Variants in ACSL1 observed in about 807,000 individuals in gnomAD.
ACSL1 encodes long-chain-fatty-acid--CoA ligase 1.
Under a neutral mutation model 98.4 loss-of-function variants are expected in ACSL1, and 41 were observed. The ratio of observed to expected loss-of-function variants is 0.42; its 90% confidence interval spans 0.32 to 0.54. The LOEUF (loss-of-function observed/expected upper bound fraction) is 0.54, where lower values mean the gene tolerates loss of function less well. Among genes scored for constraint, ACSL1 ranks in the 20% least tolerant of loss-of-function variants. ACSL1 has a pLI of 0.13. For missense variants in ACSL1, 734 were observed against 883.1 expected (o/e 0.83, Z 2.14); for synonymous variants, 316 against 322.7 (o/e 0.98, Z 0.22).
intron 1 of ACSL1, among the ~76,000 whole-genome samples, chr4:184,811,320 G>T (rs556014185): frequency 6.6e-6 from 1 of 151,912 alleles, no homozygotes; most frequent in Admixed American, 6.6e-5. Flanking sequence ...CACCGTGTTG[G>T]CCAGGATGGT....
intron 1 of ACSL1, chr4:184,805,639 C>T (rs1301165418): frequency 4.9e-6 from 2 of 410,426 alleles, no homozygotes; most frequent in South Asian, 2.1e-4. Context: ...GCTCCCCCAG[C>T]CTACCAAGGT....
At chr4:184,767,720 T>C (rs1308696568) in intron 12 of ACSL1, among the ~76,000 whole-genome samples, 1 of 152,136 alleles carries the variant, frequency 6.6e-6, no homozygotes, top group Non-Finnish European at 1.5e-5. Context: ...ATAACAAAAG[T>C]CCTGCCTCAA....
At chr4:184,811,355 G>T (rs539042087) in intron 1 of ACSL1, among the ~76,000 whole-genome samples, 1 of 151,940 alleles carries the variant, frequency 6.6e-6, no homozygotes, top group Non-Finnish European at 1.5e-5. Flanking sequence ...TTTGTGATCT[G>T]CCCGCCTTGG....
intron 1 of ACSL1, chr4:184,815,169 G>A (rs1271526251): frequency 2.2e-6 from 1 of 453,294 alleles, no homozygotes; most frequent in Non-Finnish European, 4.4e-6. Context: ...ATCCGAGGGA[G>A]GGCTGTCCAG....
At chr4:184,764,506 C>G (rs889310729) in intron 15 of ACSL1, among the ~76,000 whole-genome samples, 1 of 152,102 alleles carries the variant, frequency 6.6e-6, no homozygotes, top group East Asian at 1.9e-4. Flanking sequence ...TTAAAATGAC[C>G]AGCAAATAAC....
intron 3 of ACSL1, among the ~76,000 whole-genome samples, chr4:184,787,561 G>A (rs541301026): frequency 6.6e-6 from 1 of 152,154 alleles, no homozygotes; most frequent in East Asian, 1.9e-4. Flanking sequence ...GAGGCTTTAT[G>A]ATCAAGAAAA....
At chr4:184,768,178 A>AT in intron 12 of ACSL1, 138 bp downstream of exon 12, 2 of 901,518 alleles carry the variant, frequency 2.2e-6, no homozygotes, top group Admixed American at 3.5e-5. Flanking sequence ...AACTTTACAG[A>AT]TGAGTAAACT....
At chr4:184,820,632 TCTCA>T (rs1772994446) in intron 1 of ACSL1, among the ~76,000 whole-genome samples, 1 of 151,646 alleles carries the variant, frequency 6.6e-6, no homozygotes, top group Non-Finnish European at 1.5e-5. Context: ...GGAGACAGAG[TCTCA>T]CTCTGTCACC....
chr4:184,785,602 GGGGC>G (rs201955069), intron 3 of ACSL1, among the ~76,000 whole-genome samples: 77 of 7,512 alleles, frequency 0.01, 8 homozygotes, highest in Middle Eastern at 0.042. Flanking sequence ...CTCCTGGGCG[GGGGC>G]GGGGGGGGGG....
intron 12 of ACSL1, among the ~76,000 whole-genome samples, chr4:184,767,642 G>T (rs1041244659): frequency 3.3e-5 from 5 of 152,200 alleles, no homozygotes; most frequent in Non-Finnish European, 7.3e-5. Context: ...AAATTATACA[G>T]AGTATTATAT....
intron 10 of ACSL1, among the ~76,000 whole-genome samples, 176 bp from the exon 11 acceptor site, chr4:184,770,652 C>T (rs959080185): frequency 6.6e-6 from 1 of 151,854 alleles, no homozygotes; most frequent in African/African-American, 2.4e-5. Context: ...CACATGTACA[C>T]ATATGTAACA....
chr4:184,786,391 G>A (rs1466669456), intron 3 of ACSL1, among the ~76,000 whole-genome samples: 5 of 150,216 alleles, frequency 3.3e-5, no homozygotes, highest in East Asian at 3.9e-4. Context: ...AGGACTTACC[G>A]TATATGTGCT....
At chr4:184,787,233 T>G (rs1323730344) in intron 3 of ACSL1, among the ~76,000 whole-genome samples, 1 of 152,186 alleles carries the variant, frequency 6.6e-6, no homozygotes, top group Non-Finnish European at 1.5e-5. Context: ...CCAGAGGTAC[T>G]CCCTCCTTCA....
At position 184,761,766 on chromosome 4, in the gene ACSL1, T is replaced by C. The variant is rs1036164421; in HGVS notation, c.1638+641A>G. 4.6e-5 allele frequency among the ~76,000 whole-genome samples: 7 copies of C among 151,834 alleles called. No individual in the cohort carries two copies. In the South Asian group the frequency reaches 1.5e-3, roughly 32 times the overall value. On this transcript the variant is annotated intron_variant, in intron 17 of 20. Coordinates refer to ENST00000281455, the MANE Select transcript of ACSL1 (RefSeq NM_001995.5). ...CCTCAACATCACGGCTCAGTACGGA[T>C]ATTGTAAAAAAGCCACTGTCTCTTT...
At chr4:184,764,227 G>A (rs982029335) in intron 15 of ACSL1, among the ~76,000 whole-genome samples, 1 of 152,168 alleles carries the variant, frequency 6.6e-6, no homozygotes, top group Admixed American at 6.5e-5. Context: ...CATCATTTAT[G>A]TGTTACTTAA....
At chr4:184,765,656 C>T (rs769857406) in intron 14 of ACSL1, among the ~76,000 whole-genome samples, 2 of 151,850 alleles carry the variant, frequency 1.3e-5, no homozygotes, top group Admixed American at 6.5e-5. Flanking sequence ...GTTCTCACCA[C>T]GTGGGAAAAA....
chr4:184,811,865 T>G (rs139912305), intron 1 of ACSL1, among the ~76,000 whole-genome samples: 69 of 152,284 alleles, frequency 4.5e-4, no homozygotes, highest in Non-Finnish European at 1.0e-4. Flanking sequence ...TTTTAAAAAT[T>G]GCTTAAGTGG....
At chr4:184,772,593 G>C (rs1425182883) in intron 10 of ACSL1, among the ~76,000 whole-genome samples, 1 of 152,188 alleles carries the variant, frequency 6.6e-6, no homozygotes, top group Non-Finnish European at 1.5e-5. Context: ...ACACTGGATA[G>C]TAAACTTTAA....
intron 2 of ACSL1, among the ~76,000 whole-genome samples, chr4:184,799,470 T>C (rs1461807128): frequency 1.3e-5 from 2 of 152,164 alleles, no homozygotes; most frequent in African/African-American, 2.4e-5. Context: ...ACTTAGACTC[T>C]GTTTTTATTT....
Sources: allele counts gnomAD v4.1 joint callset (sites outside exome capture counted in the v4.1 genomes callset), GRCh38; gene constraint gnomAD v4.1.1; transcripts MANE v1.5; gene names NCBI Gene and HGNC (gene_info 2026-07-23, HGNC 2026-07-21).